The following KRABD3 variants were observed in gnomAD, a reference collection of about 807,000 sequenced individuals.
KRABD3 encodes the protein KRAB domain containing 3.
the KRABD3 span, chr7:149,733,678 T>C: frequency 1.3e-6 from 2 of 1,585,800 alleles, no homozygotes; most frequent in South Asian, 2.3e-5. Flanking sequence ...GAGGGACCGC[T>C]CGCCGGGCAC....
the KRABD3 span, chr7:149,730,684 C>A: frequency 1.5e-6 from 2 of 1,302,226 alleles, no homozygotes; most frequent in Non-Finnish European, 2.1e-6. Flanking sequence ...GGGAGTCCTG[C>A]ACATTGGCCG....
At chr7:149,721,420 C>A in the KRABD3 span, 1 of 1,611,684 alleles carries the variant, frequency 6.2e-7, no homozygotes, top group South Asian at 1.1e-5. Flanking sequence ...GAGGCCTGCT[C>A]AGCTGCCTTC....
At chr7:149,715,347 G>A in the KRABD3 span, 6 of 1,197,038 alleles carry the variant, frequency 5.0e-6, no homozygotes, top group Non-Finnish European at 6.2e-6. Context: ...GGCCTCGGAG[G>A]CAGTGAGTAA....
chr7:149,719,417 C>T, the KRABD3 span: 1 of 949,326 alleles, frequency 1.1e-6, no homozygotes, highest in South Asian at 1.9e-5. The surrounding 1 kb of genome is among the most constrained non-coding windows in gnomAD (Gnocchi z 5.6). Flanking sequence ...GGGATTCCTG[C>T]ATGTCAGACC....
At chr7:149,723,866 G>T in the KRABD3 span, 1 of 1,613,770 alleles carries the variant, frequency 6.2e-7, no homozygotes, top group Non-Finnish European at 8.5e-7. Flanking sequence ...GAGAATCCAG[G>T]AGCCTGGAAA....
chr7:149,725,340 G>A, the KRABD3 span: 3 of 1,598,088 alleles, frequency 1.9e-6, no homozygotes, highest in Non-Finnish European at 1.7e-6. Flanking sequence ...GCTCACCGCT[G>A]GAAGCCCTGG....
chr7:149,721,995 A>T, the KRABD3 span: 3 of 370,104 alleles, frequency 8.1e-6, no homozygotes, highest in African/African-American at 6.3e-5. Context: ...TTTATAAAAA[A>T]GTACTTCAAA....
the KRABD3 span, among the ~76,000 whole-genome samples, chr7:149,727,057 G>A: frequency 6.6e-6 from 1 of 152,214 alleles, no homozygotes; most frequent in African/African-American, 2.4e-5. Flanking sequence ...TTGGTGACCT[G>A]TGCCTCCCCG....
At chr7:149,728,788 A>G in the KRABD3 span, 1 of 1,189,484 alleles carries the variant, frequency 8.4e-7, no homozygotes. Context: ...CTCTGGAAAC[A>G]GACCTGGGCA....
chr7:149,725,502 A>G, the KRABD3 span: 1 of 1,591,972 alleles, frequency 6.3e-7, no homozygotes, highest in Non-Finnish European at 8.6e-7. Flanking sequence ...GATTGTGGCC[A>G]TGGGCGCGGG....
At chr7:149,729,228 G>T in the KRABD3 span, 1 of 1,597,080 alleles carries the variant, frequency 6.3e-7, no homozygotes, top group Non-Finnish European at 8.5e-7. Flanking sequence ...GTCTCGGGCA[G>T]GGTAGGGGAG....
chr7:149,725,214 T>A, the KRABD3 span: 175 of 1,201,228 alleles, frequency 1.5e-4, no homozygotes, highest in African/African-American at 2.3e-3. Context: ...ACAGGACTCG[T>A]CACCCCTGTA....
chr7:149,729,223 G>C, the KRABD3 span: 1 of 1,582,956 alleles, frequency 6.3e-7, no homozygotes, highest in Non-Finnish European at 8.6e-7. Flanking sequence ...AGCCCGTCTC[G>C]GGCAGGGTAG....
chr7:149,721,680 C>T, the KRABD3 span: 3 of 934,374 alleles, frequency 3.2e-6, no homozygotes, highest in South Asian at 4.2e-5. Flanking sequence ...ACAAAGTACG[C>T]CAGGGAGCAG....
chr7:149,725,871 G>A, the KRABD3 span: 1 of 1,551,866 alleles, frequency 6.4e-7, no homozygotes, highest in South Asian at 1.2e-5. Context: ...GACCACAACT[G>A]TGCTGTTCCC....
At chr7:149,730,760 G>A in the KRABD3 span, 1 of 709,978 alleles carries the variant, frequency 1.4e-6, no homozygotes, top group Non-Finnish European at 2.3e-6. Flanking sequence ...GGGTGCTGGT[G>A]AGCAGCTGCA....
At chr7:149,729,144 G>A in the KRABD3 span, 2 of 1,410,722 alleles carry the variant, frequency 1.4e-6, no homozygotes, top group South Asian at 1.6e-5. Context: ...GGCAGCACGA[G>A]GCCCCGTGGG....
At chr7:149,733,370 C>T in the KRABD3 span, 1 of 1,612,062 alleles carries the variant, frequency 6.2e-7, no homozygotes, top group Non-Finnish European at 8.5e-7. Flanking sequence ...GCTGCACAGC[C>T]TCGGTGCTGC....
At chr7:149,733,638 G>A in the KRABD3 span, 15 of 1,590,316 alleles carry the variant, frequency 9.4e-6, no homozygotes, top group Non-Finnish European at 4.3e-6. Context: ...GGAGAGAGCT[G>A]CAGGGCTGGT....
Sources: allele counts gnomAD v4.1 joint callset (sites outside exome capture counted in the v4.1 genomes callset), GRCh38; gene constraint gnomAD v4.1.1; non-coding constraint Gnocchi (gnomAD v3.1); transcripts MANE v1.5; gene names NCBI Gene and HGNC (gene_info 2026-07-23, HGNC 2026-07-21).